The following SPOCK3 variants were observed in gnomAD, a reference collection of about 807,000 sequenced individuals.
SPOCK3 encodes testican-3.
A neutral mutation model predicts 56.6 loss-of-function variants in SPOCK3; 30 were observed. The ratio of observed to expected loss-of-function variants is 0.53; its 90% confidence interval spans 0.40 to 0.72. The LOEUF is 0.72. SPOCK3 is among the 30% of genes least tolerant of loss of function. The pLI is 0.00. For missense variants in SPOCK3, 527 were observed against 530.0 expected (o/e 0.99, Z 0.06); for synonymous variants, 196 against 183.3 (o/e 1.07, Z -0.56).
At chr4:167,216,089 A>T (rs573217116) in intron 2 of SPOCK3, among the ~76,000 whole-genome samples, 9 of 152,254 alleles carry the variant, frequency 5.9e-5, no homozygotes, top group African/African-American at 1.4e-4. Context: ...TCTGTGTCTC[A>T]CTTCAGACTT....
chr4:166,867,671 G>A (rs990048130), intron 6 of SPOCK3, among the ~76,000 whole-genome samples: 1 of 151,422 alleles, frequency 6.6e-6, no homozygotes, highest in East Asian at 1.9e-4. Context: ...AGGCAAATGT[G>A]TAGTATATGC....
In SPOCK3 at chr4:167,180,861, G is replaced by A. The variant is rs77786294; in HGVS notation, c.189+53124C>T. 4.7e-3 allele frequency among the ~76,000 whole-genome samples: 716 copies of A among 152,196 alleles called. 7 individuals carry two copies. The highest frequency in any genetic ancestry group is 0.016 in the African/African-American group (676 of 41,544). The stretch of plus-strand genomic sequence containing the variant: ...TATGTTACAGACAAATTTTCAGCCC[G>A]ATGAGGTGATAATAAGTAGATATGG... On this transcript the variant is annotated intron_variant, in intron 2 of 10. Coordinates refer to ENST00000357545, the MANE Select transcript of SPOCK3 (RefSeq NM_001040159.2).
At chr4:166,920,945 C>A (rs1026569905) in intron 4 of SPOCK3, among the ~76,000 whole-genome samples, 15 of 152,112 alleles carry the variant, frequency 9.9e-5, no homozygotes, top group African/African-American at 3.6e-4. Flanking sequence ...CATTAAGGAC[C>A]ATCCAAAGTT....
intron 3 of SPOCK3, among the ~76,000 whole-genome samples, chr4:167,004,864 A>G (rs1319716111): frequency 1.3e-5 from 2 of 152,302 alleles, no homozygotes; most frequent in East Asian, 3.9e-4. Flanking sequence ...CTTATCTTTC[A>G]TATTAGTGAA....
intron 2 of SPOCK3, among the ~76,000 whole-genome samples, chr4:167,205,142 T>C (rs1733916068): frequency 8.8e-6 from 1 of 114,136 alleles, no homozygotes; most frequent in Non-Finnish European, 1.7e-5. Flanking sequence ...AAAATACATA[T>C]ATATATATTT....
intron 4 of SPOCK3, among the ~76,000 whole-genome samples, chr4:166,964,673 G>T (rs1009125371): frequency 1.1e-4 from 16 of 151,478 alleles, no homozygotes; most frequent in Non-Finnish European, 2.1e-4. Context: ...GGGAAGGCAC[G>T]CAAATCTACT....
At chr4:166,788,734 G>A (rs1741004417) in intron 7 of SPOCK3, among the ~76,000 whole-genome samples, 1 of 151,558 alleles carries the variant, frequency 6.6e-6, no homozygotes, top group African/African-American at 2.4e-5. Flanking sequence ...AGGCAACTTT[G>A]TAAACAAGAT....
intron 2 of SPOCK3, among the ~76,000 whole-genome samples, chr4:167,154,325 C>T (rs954905377): frequency 1.3e-4 from 19 of 151,892 alleles, no homozygotes; most frequent in African/African-American, 4.6e-4. Flanking sequence ...TTGAGCAGCT[C>T]AATTTTGGTG....
intron 3 of SPOCK3, among the ~76,000 whole-genome samples, chr4:167,012,541 G>C (rs1463270387): frequency 2.6e-5 from 4 of 151,920 alleles, no homozygotes; most frequent in African/African-American, 9.6e-5. Flanking sequence ...TTTAGCACTT[G>C]GGGAAAAAAA....
chr4:167,117,303 T>C lies in SPOCK3; in HGVS notation c.190-54766A>G, dbSNP rs553054582. Among the ~76,000 whole-genome samples, 3 of 151,874 alleles carry C rather than the reference T, an allele frequency of 2.0e-5. No individual in the cohort carries two copies. The South Asian group carries it at 6.2e-4, about 32-fold the overall frequency. ...CCACTTGTGGGCTGGTATGAGGGAGTAGAATTCTTAAGAGCCCTAGTCACA... is the reference window on the plus strand; with the variant it reads ...CCACTTGTGGGCTGGTATGAGGGAGCAGAATTCTTAAGAGCCCTAGTCACA... On this transcript the variant is annotated intron_variant, in intron 2 of 10. Transcript: ENST00000357545.
At chr4:167,148,878 T>TA (rs575411488) in intron 2 of SPOCK3, among the ~76,000 whole-genome samples, 30 of 151,866 alleles carry the variant, frequency 2.0e-4, no homozygotes, top group Admixed American at 1.6e-3. Context: ...TCTGAAAAGC[T>TA]AAAAAAAATT....
chr4:166,775,204 C>T (rs1288129207), intron 7 of SPOCK3, among the ~76,000 whole-genome samples: 6 of 152,052 alleles, frequency 3.9e-5, no homozygotes, highest in Non-Finnish European at 7.4e-5. Flanking sequence ...AATGAACCAA[C>T]GTGACTGGAG....
chr4:167,109,219 T>C lies in SPOCK3; in HGVS notation c.190-46682A>G, dbSNP rs569861642. Reference sequence around the variant, plus strand: ...TATTTATATAAAAATATATTATATATAGTATATAATATATATTTAATATTT... The same window carrying C: ...TATTTATATAAAAATATATTATATACAGTATATAATATATATTTAATATTT... On this transcript the variant is annotated intron_variant, in intron 2 of 10. Coordinates refer to ENST00000357545, the MANE Select transcript of SPOCK3 (RefSeq NM_001040159.2). Among the ~76,000 whole-genome samples, 179 of 83,792 alleles carry C rather than the reference T, an allele frequency of 2.1e-3. 8 individuals carry two copies. In the East Asian group the frequency reaches 0.063, roughly 29 times the overall value. The allele number at this position is 83,792 out of a possible 152,430, so 55.0% of individuals were successfully genotyped here. A position where few individuals can be genotyped will look rare whatever the true frequency, so the allele number is the denominator to read the frequency against.
chr4:166,987,172 T>A (rs1455511691), intron 4 of SPOCK3, among the ~76,000 whole-genome samples: 1 of 152,176 alleles, frequency 6.6e-6, no homozygotes. Context: ...GGACCTGATA[T>A]CTTACTTCTC....
intron 2 of SPOCK3, among the ~76,000 whole-genome samples, chr4:167,199,694 AAATAATAATAATAATAAT>A (rs200479070): frequency 4.5e-4 from 64 of 141,630 alleles, no homozygotes; most frequent in African/African-American, 1.3e-3. Flanking sequence ...TGTGTGAAAT[AAATAATAATAATAATAAT>A]AATAATAATA....
At chr4:167,205,335 T>A (rs1451717921) in intron 2 of SPOCK3, among the ~76,000 whole-genome samples, 2 of 42,780 alleles carry the variant, frequency 4.7e-5, no homozygotes, top group African/African-American at 1.1e-4. Flanking sequence ...TAATATATAT[T>A]ATATATTATA....
At chr4:167,092,162 G>T (rs961111044) in intron 2 of SPOCK3, among the ~76,000 whole-genome samples, 15 of 152,096 alleles carry the variant, frequency 9.9e-5, no homozygotes, top group African/African-American at 3.4e-4. Flanking sequence ...GTAGGGTGGG[G>T]TGTCGCCTCA....
At chr4:167,025,677 C>T (rs564453496) in intron 3 of SPOCK3, among the ~76,000 whole-genome samples, 14 of 152,086 alleles carry the variant, frequency 9.2e-5, no homozygotes, top group African/African-American at 3.4e-4. Context: ...AAACAAAATG[C>T]ACCAGATATC....
intron 6 of SPOCK3, among the ~76,000 whole-genome samples, chr4:166,822,740 T>A (rs1209228628): frequency 6.6e-6 from 1 of 152,112 alleles, no homozygotes; most frequent in African/African-American, 2.4e-5. Flanking sequence ...AGTACATATG[T>A]CTTCTGTTCA....
Sources: allele counts gnomAD v4.1 joint callset (sites outside exome capture counted in the v4.1 genomes callset), GRCh38; gene constraint gnomAD v4.1.1; transcripts MANE v1.5; gene names NCBI Gene and HGNC (gene_info 2026-07-23, HGNC 2026-07-21).